PPFIBP2: variants seen among roughly 807,000 people sequenced by gnomAD.
The protein encoded by PPFIBP2 is PPFIB scaffold protein 2.
A neutral mutation model predicts 118.3 loss-of-function variants in PPFIBP2; 118 were observed. The ratio of observed to expected loss-of-function variants is 1.00; its 90% confidence interval spans 0.86 to 1.16. The LOEUF is 1.16. PPFIBP2 is among the 50% of genes most tolerant of loss of function. PPFIBP2 has a pLI of 0.00. For missense variants in PPFIBP2, 1,195 were observed against 1,073.1 expected, an observed-to-expected ratio of 1.11 and a Z score of -1.59; for synonymous variants, 414 against 397.4, an observed-to-expected ratio of 1.04 and a Z score of -0.50.
intron 1 of PPFIBP2, among the ~76,000 whole-genome samples, chr11:7,521,219 T>C (rs1221470837): frequency 3.9e-5 from 6 of 152,268 alleles, no homozygotes; most frequent in Admixed American, 1.3e-4. Flanking sequence ...TTGTGCTTGA[T>C]GCTTTTAATC....
At chr11:7,665,523 C>T in the PPFIBP2 span, 28 of 1,610,968 alleles carry the variant, frequency 1.7e-5, no homozygotes, top group South Asian at 3.3e-5. Context: ...TCGGCAGTAA[C>T]GAAGCCTGAG....
At chr11:7,665,919 C>T in the PPFIBP2 span, 15 of 1,535,898 alleles carry the variant, frequency 9.8e-6, no homozygotes, top group East Asian at 9.8e-5. Flanking sequence ...AGTAGGGTAG[C>T]GCCCTCTGCC....
chr11:7,526,976 C>T (rs1268876607), intron 1 of PPFIBP2, among the ~76,000 whole-genome samples: 1 of 151,908 alleles, frequency 6.6e-6, no homozygotes, highest in Non-Finnish European at 1.5e-5. Context: ...ATCCTGAGAC[C>T]TGGAGAACCA....
intron 14 of PPFIBP2, among the ~76,000 whole-genome samples, chr11:7,636,579 C>T (rs1851482065): frequency 6.6e-6 from 1 of 152,108 alleles, no homozygotes; most frequent in African/African-American, 2.4e-5. Flanking sequence ...AGTCCCCCCT[C>T]CCACCTCAGC....
chr11:7,584,506 G>A (rs11041463), intron 3 of PPFIBP2, among the ~76,000 whole-genome samples: 44,310 of 152,062 alleles, frequency 0.29, 6,547 homozygotes, highest in Middle Eastern at 0.38. Context: ...TGACAAAGAT[G>A]GTAGATTGGC....
At chr11:7,537,738 C>G (rs1028983130) in intron 1 of PPFIBP2, among the ~76,000 whole-genome samples, 3 of 152,162 alleles carry the variant, frequency 2.0e-5, no homozygotes, top group African/African-American at 7.2e-5. Flanking sequence ...TTTGGTGATG[C>G]TCTGCTCCCT....
intron 5 of PPFIBP2, among the ~76,000 whole-genome samples, chr11:7,598,863 T>C (rs1356613218): frequency 6.6e-6 from 1 of 152,190 alleles, no homozygotes; most frequent in African/African-American, 2.4e-5. Flanking sequence ...AATCTGGTGT[T>C]TGTTAGTTTT....
chr11:7,600,876 G>A (rs1258234042), intron 5 of PPFIBP2, among the ~76,000 whole-genome samples: 1 of 152,174 alleles, frequency 6.6e-6, no homozygotes, highest in African/African-American at 2.4e-5. Flanking sequence ...TAAAATATTA[G>A]CAGCTAATTT....
At chr11:7,660,675 G>A (rs1206207793), downstream of PPFIBP2, among the ~76,000 whole-genome samples, 1 of 151,320 alleles carries the variant, frequency 6.6e-6, no homozygotes, top group Admixed American at 6.6e-5. Flanking sequence ...ATGAGTTAGG[G>A]AGGATTCCCT....
At chr11:7,579,950 T>TA (rs113895199) in intron 3 of PPFIBP2, among the ~76,000 whole-genome samples, 1,573 of 143,694 alleles carry the variant, frequency 0.011, 23 homozygotes, top group African/African-American at 0.035. Context: ...AAAATCTTCT[T>TA]AAAAAAAAAA....
chr11:7,584,337 G>A (rs1857733454), intron 3 of PPFIBP2, among the ~76,000 whole-genome samples: 1 of 152,164 alleles, frequency 6.6e-6, no homozygotes. Flanking sequence ...TTGGATGATA[G>A]CCTCATCAGC....
chr11:7,570,087 G>C (rs1341085103), intron 3 of PPFIBP2, among the ~76,000 whole-genome samples: 1 of 151,990 alleles, frequency 6.6e-6, no homozygotes, highest in Non-Finnish European at 1.5e-5. Context: ...TTTTGGCTGT[G>C]CCTTGAGTGG....
chr11:7,587,632 G>A (rs927409771), intron 3 of PPFIBP2, among the ~76,000 whole-genome samples: 1 of 152,212 alleles, frequency 6.6e-6, no homozygotes, highest in Non-Finnish European at 1.5e-5. Flanking sequence ...TTGCTTTTCT[G>A]TGCACACTGG....
chr11:7,658,375 CTA>C (rs1314222702), downstream of PPFIBP2, among the ~76,000 whole-genome samples: 1 of 115,658 alleles, frequency 8.6e-6, no homozygotes, highest in African/African-American at 3.7e-5. Context: ...CAATTCCCAC[CTA>C]TGAGTGAGAA....
rs1853471097 is a variant in PPFIBP2 at position 7,648,520 on chromosome 11, C to T, written c.1780C>T (p.Pro594Ser). The change falls in exon 18 of 24, where the codon CCT (proline) becomes TCT (serine). Residue 594 changes from proline to serine, a missense_variant. Coordinates refer to ENST00000299492, the MANE Select transcript of PPFIBP2 (RefSeq NM_003621.5). ...TGGCCACACCTTATTGACAGCCACC[C>T]CTCAGGACATGGAAAAGGTAAGGGC... Reference protein sequence around the residue: ...SSGHTLLTATPQDMEKELGIK... With the variant: ...SSGHTLLTATSQDMEKELGIK... The T allele has an allele frequency of 6.2e-7, 1 of 1,614,024 alleles. No individual in the cohort carries two copies. Among genetic ancestry groups the T allele is most frequent in the Non-Finnish European group, 8.5e-7 (1 of 1,179,986 alleles).
At chr11:7,586,079 C>G (rs12290450) in intron 3 of PPFIBP2, among the ~76,000 whole-genome samples, 14 of 152,120 alleles carry the variant, frequency 9.2e-5, no homozygotes, top group Non-Finnish European at 1.9e-4. Flanking sequence ...GCAATGTGGC[C>G]CAAAGACATG....
intron 1 of PPFIBP2, among the ~76,000 whole-genome samples, chr11:7,544,103 C>G (rs1046550558): frequency 6.6e-6 from 1 of 152,322 alleles, no homozygotes; most frequent in South Asian, 2.1e-4. Flanking sequence ...AGGAAGATGA[C>G]AGCACACACA....
intron 8 of PPFIBP2, among the ~76,000 whole-genome samples, chr11:7,626,206 C>T (rs1489127378): frequency 6.6e-6 from 1 of 152,114 alleles, no homozygotes. Flanking sequence ...TAGGAAATAC[C>T]TAACTCTTTC....
At chr11:7,515,141 G>C (rs1250119953) in intron 1 of PPFIBP2, among the ~76,000 whole-genome samples, 1 of 152,152 alleles carries the variant, frequency 6.6e-6, no homozygotes, top group Admixed American at 6.5e-5. Context: ...ATCTAATTTA[G>C]AAATTATTTC....
Sources: gnomAD v4.1 joint callset for allele counts (sites outside exome capture counted in the v4.1 genomes callset) on GRCh38, gnomAD v4.1.1 for gene constraint, MANE v1.5 for transcripts, NCBI Gene and HGNC (gene_info 2026-07-23, HGNC 2026-07-21) for gene names.